ZGRF1: variants seen among roughly 807,000 people sequenced by gnomAD.
The protein encoded by ZGRF1 is 5'-3' DNA helicase ZGRF1.
Under a neutral mutation model 203.5 loss-of-function variants are expected in ZGRF1, and 196 were observed. The ratio of observed to expected loss-of-function variants is 0.96; its 90% CI spans 0.86 to 1.08. The LOEUF (loss-of-function observed/expected upper bound fraction) is 1.08, where lower values mean the gene tolerates loss of function less well. Ranked by LOEUF, ZGRF1 falls within the 50% of genes least tolerant of loss-of-function variation. ZGRF1 has a pLI of 0.00. For missense variants in ZGRF1, 2,326 were observed against 2,416.3 expected, an observed-to-expected ratio of 0.96 and a Z score of 0.78; for synonymous variants, 809 against 841.3, an observed-to-expected ratio of 0.96 and a Z score of 0.66.
intron 15 of ZGRF1, 102 bp downstream of exon 15, chr4:112,583,876 T>C (rs940000045): frequency 2.2e-5 from 16 of 720,092 alleles, no homozygotes; most frequent in African/African-American, 1.6e-4. Flanking sequence ...ATCTTTTAAA[T>C]AGTTTTCCTA....
At chr4:112,557,634 T>C (rs1741194060) in intron 20 of ZGRF1, among the ~76,000 whole-genome samples, 1 of 152,222 alleles carries the variant, frequency 6.6e-6, no homozygotes, top group African/African-American at 2.4e-5. Context: ...TCCAGGTAGA[T>C]GCCTGCACAT....
At position 112,587,669 on chromosome 4, in the gene ZGRF1, C is replaced by T. The variant is rs1223766497; in HGVS notation, c.3388G>A (p.Val1130Met). The change falls in exon 12 of 28, where the codon GTG (valine) becomes ATG (methionine). Residue 1130 changes from valine to methionine, a missense_variant. Physicochemically the swap from Val to Met is conservative, Grantham distance 21. Coordinates refer to ENST00000505019, the MANE Select transcript of ZGRF1 (RefSeq NM_018392.5). ...TTAAGTGAAACATCCCCTGGATTCACTTCCCTAGATTCTTCAGAGAAAAAG... is the reference window on the plus strand; with the variant it reads ...TTAAGTGAAACATCCCCTGGATTCATTTCCCTAGATTCTTCAGAGAAAAAG... ...ETFFSEESRE[V>M]NPGDVSLNNI... is the part of the protein sequence containing the mutation. 1.2e-6 allele frequency: 2 copies of T among 1,613,376 alleles called. No homozygotes were observed. Among genetic ancestry groups the T allele is most frequent in the East Asian group, 2.2e-5 (1 of 44,874 alleles).
rs564607556 is a variant in ZGRF1 at position 112,578,269 on chromosome 4, G to A, written c.4438+3394C>T. Reference sequence around the variant, plus strand: ...CCAGAATCTCTGGGACACATTCAAAGCAGTGTGTAGTGGGGAATTTATAGC... The same window carrying A: ...CCAGAATCTCTGGGACACATTCAAAACAGTGTGTAGTGGGGAATTTATAGC... On this transcript the variant is annotated intron_variant, in intron 16 of 27. Transcript: ENST00000505019. Among the ~76,000 whole-genome samples the A allele has an allele frequency of 1.6e-5, 2 of 122,774 alleles. 1 individual carries two copies. The highest frequency in any genetic ancestry group is 1.9e-4 in the Admixed American group (2 of 10,798). 80.5% of individuals were successfully genotyped at this position (122,774 alleles called of 152,430 possible). A position where few individuals can be genotyped will look rare whatever the true frequency, so the allele number is the denominator to read the frequency against.
At chr4:112,562,619 ACACAGAGATCC>A in intron 17 of ZGRF1, 134 bp from the exon 18 acceptor site, 1 of 600,566 alleles carries the variant, frequency 1.7e-6, no homozygotes, top group Middle Eastern at 2.7e-4. Context: ...CCTTAAACAC[ACACAGAGATCC>A]CAAACTTATA....
chr4:112,618,704 C>G lies in ZGRF1; in HGVS notation c.1338G>C (p.Lys446Asn), dbSNP rs749686392. 6.2e-7 allele frequency: 1 copy of G among 1,611,486 alleles called. No individual in the cohort carries two copies. The highest frequency in any genetic ancestry group is 2.2e-5 in the East Asian group (1 of 44,826). ...DNKIPFNQND[K>N]GCIKGSVLIK... is the part of the protein sequence containing the mutation. ...TGAGAACTGATCCTTTAATGCACCC[C>G]TTGTCATTTTGATTAAAAGGTATTT... The change falls in exon 6 of 28, where the codon AAG (lysine) becomes AAC (asparagine). Residue 446 changes from lysine (K) to asparagine (N), a missense_variant. Coordinates refer to ENST00000505019, the MANE Select transcript of ZGRF1 (RefSeq NM_018392.5).
At chr4:112,553,512 C>A (rs760795519) in intron 22 of ZGRF1, among the ~76,000 whole-genome samples, 1 of 152,226 alleles carries the variant, frequency 6.6e-6, no homozygotes, top group Non-Finnish European at 1.5e-5. Context: ...CAACTAATTT[C>A]ATTTAACTTG....
chr4:112,565,440 A>AG, intron 16 of ZGRF1: 1 of 804,130 alleles, frequency 1.2e-6, no homozygotes, highest in Non-Finnish European at 2.0e-6. Context: ...CAAAAAAAAA[A>AG]AAAAAAAAAT....
rs984698228 is a variant in ZGRF1 at position 112,586,498 on chromosome 4, G to A, written c.3863C>T (p.Ala1288Val). Residue 1288 changes from alanine to valine, a missense_variant, in exon 13 of 28, where the codon GCT becomes GTT. Coordinates refer to ENST00000505019, the MANE Select transcript of ZGRF1 (RefSeq NM_018392.5). ...ATAATGAGCAGGAGACTGAAAAACAGCTGGTATGTGAATTTGCCTTTGGGG... is the reference window on the plus strand; with the variant it reads ...ATAATGAGCAGGAGACTGAAAAACAACTGGTATGTGAATTTGCCTTTGGGG... ...YLPQRQIHIP[A>V]VFQSPAHYKQ... 5.0e-6 allele frequency: 8 copies of A among 1,613,208 alleles called. No homozygotes were observed. The highest frequency in any genetic ancestry group is 6.8e-6 in the Non-Finnish European group (8 of 1,179,460).
intron 3 of ZGRF1, chr4:112,628,907 T>C: frequency 2.5e-6 from 1 of 395,814 alleles, no homozygotes; most frequent in Admixed American, 3.6e-5. Context: ...CATCAGACAC[T>C]GAATGAATTA....
intron 24 of ZGRF1, among the ~76,000 whole-genome samples, chr4:112,542,510 T>C (rs1228492763): frequency 6.6e-6 from 1 of 152,214 alleles, no homozygotes; most frequent in East Asian, 1.9e-4. Flanking sequence ...CATATAACCC[T>C]AGGATAAAAG....
In ZGRF1 at chr4:112,630,888, A is replaced by C. The variant is rs1246124435; in HGVS notation, c.102+1042T>G. Among the ~76,000 whole-genome samples, 11 of 146,918 alleles carry C rather than the reference A, an allele frequency of 7.5e-5. No homozygotes were observed. In the East Asian group the frequency reaches 2.2e-3, roughly 29 times the overall value. ...GGCAACAGAGTGAGATTCTGGCTCA[A>C]AAAAAAAAAAAAAGAGACGCAGTAG... On this transcript the variant is annotated intron_variant, in intron 3 of 27. Coordinates refer to ENST00000505019, the MANE Select transcript of ZGRF1 (RefSeq NM_018392.5).
intron 16 of ZGRF1, among the ~76,000 whole-genome samples, chr4:112,579,710 TA>T (rs975730300): frequency 8.3e-6 from 1 of 120,534 alleles, no homozygotes; most frequent in Non-Finnish European, 1.8e-5. Context: ...GAATCCAACT[TA>T]CAAGGGACGT....
chr4:112,596,072 A>C (rs766333858), intron 10 of ZGRF1, among the ~76,000 whole-genome samples: 1 of 152,252 alleles, frequency 6.6e-6, no homozygotes, highest in Non-Finnish European at 1.5e-5. Flanking sequence ...ACTGATGTAG[A>C]TAACAATAAC....
intron 10 of ZGRF1, among the ~76,000 whole-genome samples, chr4:112,602,894 T>C (rs2149093333): frequency 6.6e-6 from 1 of 152,260 alleles, no homozygotes; most frequent in South Asian, 2.1e-4. Flanking sequence ...AAAAGGGTAG[T>C]GATTGAAAAG....
intron 7 of ZGRF1, among the ~76,000 whole-genome samples, chr4:112,610,264 A>T (rs1751385913): frequency 6.6e-6 from 1 of 152,202 alleles, no homozygotes; most frequent in Non-Finnish European, 1.5e-5. Context: ...TAAAACATTA[A>T]AATTTTTATA....
At chr4:112,624,714 T>C (rs767479505) in intron 3 of ZGRF1, among the ~76,000 whole-genome samples, 4 of 152,184 alleles carry the variant, frequency 2.6e-5, no homozygotes, top group Non-Finnish European at 5.9e-5. Context: ...TTTTCCCTTA[T>C]GTCTGTAGCC....
chr4:112,628,542 A>G lies in ZGRF1; in HGVS notation c.102+3388T>C, dbSNP rs572806457. 4.6e-4 allele frequency: 210 copies of G among 454,896 alleles called. 1 individual carries two copies. Among genetic ancestry groups the G allele is most frequent in the African/African-American group, 3.8e-3 (190 of 50,108 alleles). 28.2% of individuals were successfully genotyped at this position (454,896 alleles called of 1,614,324 possible). On this transcript the variant is annotated intron_variant, in intron 3 of 27. Coordinates refer to ENST00000505019, the MANE Select transcript of ZGRF1 (RefSeq NM_018392.5). Reference sequence around the variant, plus strand: ...ATTTAGATAGAGAAAAGGCATAACTAGCAAGAGAAGAATATAAGCAATAGC... The same window carrying G: ...ATTTAGATAGAGAAAAGGCATAACTGGCAAGAGAAGAATATAAGCAATAGC...
At chr4:112,597,589 T>C (rs1055502292) in intron 10 of ZGRF1, among the ~76,000 whole-genome samples, 1 of 151,668 alleles carries the variant, frequency 6.6e-6, no homozygotes, top group African/African-American at 2.4e-5. Flanking sequence ...TAAATTTAAA[T>C]TACAAAGAAG....
rs1328326250 is a variant in ZGRF1, at chr4:112,539,778, G to C, written c.6172+85C>G. The C allele has an allele frequency of 1.8e-5, 29 of 1,572,170 alleles. No homozygotes were observed. The South Asian group carries it at 2.7e-4, about 14-fold the overall frequency. On this transcript the variant is annotated intron_variant, in intron 27 of 27. Transcript: ENST00000505019. Reference sequence around the variant, plus strand: ...GTCAGTTACTTCCCCCAGCAGAGCTGTTCCTGCTTGAAGCACCCCAAGCAT... The same window carrying C: ...GTCAGTTACTTCCCCCAGCAGAGCTCTTCCTGCTTGAAGCACCCCAAGCAT...
Sources: allele counts gnomAD v4.1 joint callset (sites outside exome capture counted in the v4.1 genomes callset), GRCh38; gene constraint gnomAD v4.1.1; transcripts MANE v1.5; gene names NCBI Gene and HGNC (gene_info 2026-07-23, HGNC 2026-07-21).